PIK3R4: variants seen among roughly 807,000 people sequenced by gnomAD.
The protein encoded by PIK3R4 is phosphoinositide 3-kinase regulatory subunit 4.
PIK3R4 carries 46 observed loss-of-function variants against 136.5 expected under a neutral mutation model. The observed-to-expected ratio is 0.34, with a 90% confidence interval of 0.27 to 0.43. The LOEUF (loss-of-function observed/expected upper bound fraction) is 0.43. Ranked by LOEUF, PIK3R4 falls within the 20% of genes least tolerant of loss-of-function variation. The pLI is 1.00. For synonymous variants in PIK3R4, 557 were observed against 566.7 expected, an observed-to-expected ratio of 0.98 and a Z score of 0.24; for missense variants, 1,331 against 1,649.5, an observed-to-expected ratio of 0.81 and a Z score of 3.35.
intron 13 of PIK3R4, among the ~76,000 whole-genome samples, chr3:130,699,362 G>A (rs535775060): frequency 1.3e-5 from 2 of 152,180 alleles, no homozygotes; most frequent in African/African-American, 4.8e-5. Flanking sequence ...TGGCACAGAG[G>A]TCAAATAGTG....
chr3:130,703,587 C>T, intron 13 of PIK3R4, 136 bp downstream of exon 13: 1 of 653,286 alleles, frequency 1.5e-6, no homozygotes. Flanking sequence ...AGGTAAACTC[C>T]ACAGAAGAAG....
intron 9 of PIK3R4, among the ~76,000 whole-genome samples, chr3:130,713,974 G>A (rs758858706): frequency 6.6e-6 from 1 of 151,962 alleles, no homozygotes; most frequent in Non-Finnish European, 1.5e-5. Flanking sequence ...GCCGGGCCTG[G>A]GATGAAGGTT....
At chr3:130,681,460 T>C (rs1279158630) in intron 17 of PIK3R4, 31 bp downstream of exon 17, 2 of 1,263,776 alleles carry the variant, frequency 1.6e-6, no homozygotes, top group South Asian at 1.2e-5. Flanking sequence ...GGGAATAATA[T>C]CATCCTTTAC....
chr3:130,705,543 TATCAACG>T lies in PIK3R4; in HGVS notation c.2932+11_2932+17del. 3 of 1,542,022 alleles carry T rather than the reference TATCAACG, an allele frequency of 1.9e-6. No homozygotes were observed. The highest frequency in any genetic ancestry group is 9.0e-7 in the Non-Finnish European group (1 of 1,114,780). Reference sequence around the variant, plus strand: ...GCACCTAGACTAGACTACAACTACTTATCAACGGAACTTTTACCAGGTGGTGGTGGTT... The same window carrying T: ...GCACCTAGACTAGACTACAACTACTTGAACTTTTACCAGGTGGTGGTGGTT... On this transcript the variant is annotated intron_variant, in intron 12 of 19. Transcript: ENST00000356763.
intron 2 of PIK3R4, among the ~76,000 whole-genome samples, chr3:130,740,860 A>C (rs976307603): frequency 5.9e-5 from 9 of 152,220 alleles, no homozygotes; most frequent in African/African-American, 2.2e-4. Context: ...AACGATACCA[A>C]TGATACAGCA....
At chr3:130,718,329 A>T in intron 8 of PIK3R4, 60 bp downstream of exon 8, 1 of 1,464,282 alleles carries the variant, frequency 6.8e-7, no homozygotes, top group Non-Finnish European at 9.4e-7. Flanking sequence ...CTCTCTAAAC[A>T]TTTTTTTTAA....
rs1003589172 is a variant in PIK3R4 at position 130,708,140 on chromosome 3, A to G, written c.2533+151T>C. ...GTTCGCTTCCCTATTTTTCTTCCCC[A>G]AAATCTCCCTGCTAAGTAATGGAGT... is the stretch of plus-strand genomic sequence containing the variant. On this transcript the variant is annotated intron_variant, in intron 10 of 19. Transcript: ENST00000356763. 1.6e-5 allele frequency: 10 copies of G among 626,772 alleles called. No individual in the cohort carries two copies. The African/African-American group carries it at 1.9e-4, about 12-fold the overall frequency. The allele number at this position is 626,772 out of a possible 1,614,324, so 38.8% of individuals were successfully genotyped here.
intron 13 of PIK3R4, among the ~76,000 whole-genome samples, chr3:130,694,284 TTAGGA>T (rs1376124632): frequency 5.9e-5 from 9 of 152,044 alleles, no homozygotes; most frequent in Admixed American, 3.3e-4. Context: ...TTTATGGATT[TTAGGA>T]TCAGATCATC....
chr3:130,740,819 T>C (rs1466472809), intron 2 of PIK3R4, among the ~76,000 whole-genome samples: 3 of 152,078 alleles, frequency 2.0e-5, no homozygotes. Flanking sequence ...TTCATAAGGT[T>C]AGGGAAAAAA....
At position 130,679,268 on chromosome 3, in the gene PIK3R4, ATAG is replaced by A. The variant is rs2066438847; in HGVS notation, c.*44_*46del. On this transcript the variant is annotated 3_prime_UTR_variant, in exon 20 of 20. Transcript: ENST00000356763. ...CTCTAGAAATGCCTTTTCTCGAGTTATAGTATTATATTTATAACTATTAAAATT... is the reference window on the plus strand; with the variant it reads ...CTCTAGAAATGCCTTTTCTCGAGTTATATTATATTTATAACTATTAAAATT... 1 of 1,182,942 alleles carries A rather than the reference ATAG, an allele frequency of 8.5e-7. No individual in the cohort carries two copies. Among genetic ancestry groups the A allele is most frequent in the African/African-American group, 1.6e-5 (1 of 63,858 alleles). The allele number at this position is 1,182,942 out of a possible 1,614,324, so 73.3% of individuals were successfully genotyped here.
Position 130,735,823 on chromosome 3 carries a change from T to A in PIK3R4, c.867+46A>T, listed in dbSNP as rs12491869. On this transcript the variant is annotated intron_variant, in intron 3 of 19. Transcript: ENST00000356763. ...ATCTGATTAAAGCAAAAGTGGGAAC[T>A]AGATCCTATTAAAAACTTTATGGCG... is the stretch of plus-strand genomic sequence containing the variant. 12,168 of 1,552,442 alleles carry A rather than the reference T, an allele frequency of 7.8e-3. 188 individuals carry two copies. The highest frequency in any genetic ancestry group is 0.063 in the East Asian group (2,770 of 44,278).
At position 130,745,261 on chromosome 3, in the gene PIK3R4, A is replaced by G; in HGVS notation, c.-43T>C. ...TGGTCTTTAGTAAGGTTAGGATATA[A>G]TACCTGTTTAAAATAAAAACAAATG... On this transcript the variant is annotated 5_prime_UTR_variant, in exon 2 of 20. Transcript: ENST00000356763. 1 of 1,510,566 alleles carries G rather than the reference A, an allele frequency of 6.6e-7. No homozygotes were observed. Among genetic ancestry groups the G allele is most frequent in the Non-Finnish European group, 8.8e-7 (1 of 1,135,184 alleles). 93.6% of individuals were successfully genotyped at this position (1,510,566 alleles called of 1,614,324 possible).
intron 9 of PIK3R4, among the ~76,000 whole-genome samples, chr3:130,711,218 C>T (rs1257211029): frequency 6.6e-6 from 1 of 151,982 alleles, no homozygotes; most frequent in African/African-American, 2.4e-5. Context: ...AAAACACACA[C>T]ACACACACGC....
rs1020099543 is a variant in PIK3R4, at chr3:130,746,775, G to A, written c.-504C>T. The A allele has an allele frequency of 1.3e-5, 2 of 152,328 alleles. No individual in the cohort carries two copies. The highest frequency in any genetic ancestry group is 2.9e-5 in the Non-Finnish European group (2 of 68,134). The allele number at this position is 152,328 out of a possible 1,614,324, so 9.4% of individuals were successfully genotyped here. A position where few individuals can be genotyped will look rare whatever the true frequency, so the allele number is the denominator to read the frequency against. ...AGTCCCAAGAAAACACTACACTTCA[G>A]CTGCTGCAGCCCCAGCAAACGCCGA... On this transcript the variant is annotated 5_prime_UTR_variant, in exon 1 of 20. Coordinates refer to ENST00000356763, the MANE Select transcript of PIK3R4 (RefSeq NM_014602.3).
chr3:130,745,697 T>A (rs561764348), intron 1 of PIK3R4, among the ~76,000 whole-genome samples: 1 of 152,230 alleles, frequency 6.6e-6, no homozygotes, highest in Non-Finnish European at 1.5e-5. Context: ...CAAGAATCTG[T>A]AGTTTCTTGG....
chr3:130,705,880 T>C, intron 11 of PIK3R4, 109 bp from the exon 12 acceptor site: 1 of 583,718 alleles, frequency 1.7e-6, no homozygotes, highest in Non-Finnish European at 2.9e-6. Flanking sequence ...TTTGTCCTCA[T>C]TAATGTACCA....
intron 15 of PIK3R4, 142 bp downstream of exon 15, chr3:130,686,069 G>A (rs2066487937): frequency 6.6e-6 from 4 of 607,736 alleles, no homozygotes; most frequent in South Asian, 6.1e-5. Flanking sequence ...AAAATTGCAA[G>A]TTATTTTAAC....
chr3:130,724,678 G>A (rs2066722151), intron 6 of PIK3R4, among the ~76,000 whole-genome samples: 1 of 152,010 alleles, frequency 6.6e-6, no homozygotes, highest in Non-Finnish European at 1.5e-5. Context: ...CAGAGGTGGA[G>A]CACACAAAAT....
intron 15 of PIK3R4, among the ~76,000 whole-genome samples, chr3:130,685,645 A>T (rs1407307173): frequency 6.6e-6 from 1 of 152,226 alleles, no homozygotes; most frequent in Non-Finnish European, 1.5e-5. Flanking sequence ...AGCAAGCTGG[A>T]TCACTTGGTT....
Sources: allele counts gnomAD v4.1 joint callset (sites outside exome capture counted in the v4.1 genomes callset), GRCh38; gene constraint gnomAD v4.1.1; transcripts MANE v1.5; gene names NCBI Gene and HGNC (gene_info 2026-07-23, HGNC 2026-07-21).